The following LRRC3C variants were observed in gnomAD, a reference collection of about 807,000 sequenced individuals.
LRRC3C encodes leucine-rich repeat-containing protein 3C.
LRRC3C carries 11 observed loss-of-function variants against 14.8 expected under a neutral mutation model. The observed-to-expected ratio is 0.74, with a 90% CI of 0.47 to 1.23. LRRC3C has a LOEUF of 1.23. LRRC3C is among the 50% of genes most tolerant of loss of function. LRRC3C has a pLI of 0.00. For missense variants in LRRC3C, 354 were observed against 361.8 expected, an observed-to-expected ratio of 0.98 and a Z score of 0.18; for synonymous variants, 149 against 161.5, an observed-to-expected ratio of 0.92 and a Z score of 0.59.
intron 1 of LRRC3C, among the ~76,000 whole-genome samples, chr17:39,928,303 T>C (rs570153256): frequency 6.6e-6 from 1 of 152,372 alleles, no homozygotes; most frequent in East Asian, 1.9e-4. Context: ...TGAGAGGCTC[T>C]GGTCTGCAGT....
rs765337775 is a variant in LRRC3C at position 39,943,998 on chromosome 17, C to A, written c.92C>A (p.Pro31His). 9.8e-6 allele frequency: 15 copies of A among 1,536,122 alleles called. No individual in the cohort carries two copies. The South Asian group carries it at 1.8e-4, about 18-fold the overall frequency. The change falls in exon 4 of 4, where the codon CCC (proline) becomes CAC (histidine). Residue 31 changes from proline to histidine, a missense_variant. Physicochemically the swap from Pro to His is moderately conservative, Grantham distance 77. Coordinates refer to ENST00000377924, the MANE Select transcript of LRRC3C (RefSeq NM_001195545.2). ...AMLPTAGHLLPLLLVIGTGGT... is the reference protein window; with the variant it reads ...AMLPTAGHLLHLLLVIGTGGT... Reference sequence around the variant, plus strand: ...CTCCCAACAGCAGGTCACCTCCTGCCCCTCCTGCTGGTGATAGGCACAGGG... The same window carrying A: ...CTCCCAACAGCAGGTCACCTCCTGCACCTCCTGCTGGTGATAGGCACAGGG...
At chr17:39,933,484 C>T (rs1404008626) in intron 1 of LRRC3C, among the ~76,000 whole-genome samples, 3 of 152,176 alleles carry the variant, frequency 2.0e-5, no homozygotes, top group Non-Finnish European at 4.4e-5. Context: ...CCTGTAATCC[C>T]AGCACTTTGG....
At chr17:39,940,507 G>A (rs1978908937) in intron 2 of LRRC3C, among the ~76,000 whole-genome samples, 2 of 152,114 alleles carry the variant, frequency 1.3e-5, no homozygotes, top group Admixed American at 6.6e-5. Flanking sequence ...CCACTTCCCA[G>A]GCTCAAGCCA....
rs1038561587 is a variant in LRRC3C, at chr17:39,944,267, G to A, written c.361G>A (p.Ala121Thr). The change falls in exon 4 of 4, where the codon GCG (alanine) becomes ACG (threonine). Residue 121 changes from alanine to threonine, a missense_variant. Coordinates refer to ENST00000377924, the MANE Select transcript of LRRC3C (RefSeq NM_001195545.2). Reference protein sequence around the residue: ...SHNALAHLSGAAFQGLEGTLR... With the variant: ...SHNALAHLSGTAFQGLEGTLR... Reference sequence around the variant, plus strand: ...TAATGCCCTTGCCCACCTCTCAGGGGCGGCTTTCCAGGGCCTGGAGGGCAC... The same window carrying A: ...TAATGCCCTTGCCCACCTCTCAGGGACGGCTTTCCAGGGCCTGGAGGGCAC... The A allele has an allele frequency of 3.9e-6, 6 of 1,534,896 alleles. No individual in the cohort carries two copies. The highest frequency in any genetic ancestry group is 5.2e-6 in the Non-Finnish European group (6 of 1,146,388).
intron 2 of LRRC3C, among the ~76,000 whole-genome samples, chr17:39,937,330 G>A (rs1166258173): frequency 2.6e-5 from 4 of 152,028 alleles, no homozygotes; most frequent in African/African-American, 4.8e-5. Flanking sequence ...CAGCTACTCC[G>A]GAGGCTGAGG....
chr17:39,942,935 G>A (rs1279988999), intron 3 of LRRC3C, among the ~76,000 whole-genome samples: 3 of 152,236 alleles, frequency 2.0e-5, no homozygotes, highest in African/African-American at 4.8e-5. Context: ...TTCTGGGTAA[G>A]GAAGAGGAGT....
In LRRC3C at chr17:39,944,155, G is replaced by T. The variant is rs1329129957; in HGVS notation, c.249G>T (p.Lys83Asn). The T allele has an allele frequency of 6.5e-7, 1 of 1,536,278 alleles. No homozygotes were observed. Among genetic ancestry groups the T allele is most frequent in the Admixed American group, 2.0e-5 (1 of 51,012 alleles). Residue 83 changes from lysine (K) to asparagine (N), a missense_variant, in exon 4 of 4, where the codon AAG (lysine) becomes AAT (asparagine). Lys to Asn is a moderately conservative substitution (Grantham distance 94). Coordinates refer to ENST00000377924, the MANE Select transcript of LRRC3C (RefSeq NM_001195545.2). Reference sequence around the variant, plus strand: ...CCGGCATCCCCAATGACACCCGCAAGCTCTACCTGGATGCCAACCAGCTGG... The same window carrying T: ...CCGGCATCCCCAATGACACCCGCAATCTCTACCTGGATGCCAACCAGCTGG... ...VPSGIPNDTR[K>N]LYLDANQLAS...
intron 3 of LRRC3C, among the ~76,000 whole-genome samples, chr17:39,942,666 G>A (rs570360136): frequency 4.4e-4 from 67 of 152,364 alleles, no homozygotes; most frequent in African/African-American, 1.6e-3. Context: ...GGAGGTCTGG[G>A]CACTGCGAGG....
At chr17:39,939,214 A>C in intron 2 of LRRC3C, 3 of 262,256 alleles carry the variant, frequency 1.1e-5, no homozygotes, top group Non-Finnish European at 1.8e-5. Flanking sequence ...GAGATCAATC[A>C]GGTTGAATCA....
chr17:39,927,899 C>T, intron 1 of LRRC3C, 85 bp downstream of exon 1: 1 of 977,312 alleles, frequency 1.0e-6, no homozygotes, highest in East Asian at 1.1e-4. Context: ...GAGACTCGGA[C>T]TTGTAAGTAA....
intron 2 of LRRC3C, among the ~76,000 whole-genome samples, chr17:39,936,211 G>A (rs768076175): frequency 1.5e-4 from 23 of 152,224 alleles, no homozygotes; most frequent in Admixed American, 5.2e-4. Flanking sequence ...TTCTAGACAC[G>A]TGGAGCATCA....
chr17:39,935,475 C>T (rs947557529), intron 1 of LRRC3C, among the ~76,000 whole-genome samples: 11 of 152,184 alleles, frequency 7.2e-5, no homozygotes, highest in East Asian at 1.9e-4. Flanking sequence ...CTCAGCCAGG[C>T]GCGGTGGCTC....
At chr17:39,937,804 T>C (rs1978839252) in intron 2 of LRRC3C, among the ~76,000 whole-genome samples, 1 of 152,138 alleles carries the variant, frequency 6.6e-6, no homozygotes, top group South Asian at 2.1e-4. Flanking sequence ...TTACCCTAGG[T>C]TGCCATTAGA....
chr17:39,941,416 C>T (rs2144766060), intron 2 of LRRC3C, 27 bp from the exon 3 acceptor site: 1 of 755,170 alleles, frequency 1.3e-6, no homozygotes, highest in South Asian at 1.7e-5. Flanking sequence ...CCCCCCCACA[C>T]ACACCCCATT....
At chr17:39,934,530 G>C (rs1415743807) in intron 1 of LRRC3C, 1 of 152,066 alleles carries the variant, frequency 6.6e-6, no homozygotes, top group Non-Finnish European at 1.5e-5. Flanking sequence ...TGGGCAAAGG[G>C]CTTTATTTGT....
chr17:39,930,925 T>TGAGGTCAG (rs1286414987), intron 1 of LRRC3C, among the ~76,000 whole-genome samples: 1 of 150,340 alleles, frequency 6.7e-6, no homozygotes, highest in Non-Finnish European at 1.5e-5. Context: ...ACAGATCACC[T>TGAGGTCAG]GAGGTCAGGA....
rs540615560 is a variant in LRRC3C at position 39,937,800 on chromosome 17, T to C, written c.-82+1906T>C. ...AAAACCCAAATAATGATTCTTACCC[T>C]AGGTTGCCATTAGAATCACCTGAGG... On this transcript the variant is annotated intron_variant, in intron 2 of 3. Transcript: ENST00000377924. 8.5e-5 allele frequency among the ~76,000 whole-genome samples: 13 copies of C among 152,286 alleles called. 1 individual carries two copies. In the East Asian group the frequency reaches 2.3e-3, roughly 27 times the overall value.
chr17:39,933,064 A>AAAGG (rs140683487), intron 1 of LRRC3C, among the ~76,000 whole-genome samples: 88,218 of 149,628 alleles, frequency 0.59, 25,883 homozygotes, highest in East Asian at 0.71. Flanking sequence ...AAAAATAAAG[A>AAAGG]AAGGAAGGAA....
intron 2 of LRRC3C, among the ~76,000 whole-genome samples, chr17:39,939,183 C>T (rs1181562952): frequency 6.6e-6 from 1 of 152,152 alleles, no homozygotes; most frequent in Non-Finnish European, 1.5e-5. Context: ...AAGAAGTAGG[C>T]AACAGGATTT....
Sources: gnomAD v4.1 joint callset for allele counts (sites outside exome capture counted in the v4.1 genomes callset) on GRCh38, gnomAD v4.1.1 for gene constraint, MANE v1.5 for transcripts, NCBI Gene and HGNC (gene_info 2026-07-23, HGNC 2026-07-21) for gene names.